Variants in PAK5 observed in about 807,000 individuals in gnomAD.
PAK5 encodes p21 (RAC1) activated kinase 5, also known as serine/threonine-protein kinase PAK 5.
PAK5 carries 16 observed loss-of-function variants against 65.9 expected under a neutral mutation model. The observed-to-expected ratio is 0.24, with a 90% CI of 0.16 to 0.37. The LOEUF is 0.37. Ranked by LOEUF, PAK5 falls within the 10% of genes least tolerant of loss-of-function variation. PAK5 has a pLI of 1.00. For missense variants in PAK5, 785 were observed against 903.9 expected (o/e 0.87, Z 1.69); for synonymous variants, 371 against 354.9 (o/e 1.05, Z -0.51).
At chr20:9,612,603 G>A (rs1325907218) in intron 3 of PAK5, among the ~76,000 whole-genome samples, 5 of 152,012 alleles carry the variant, frequency 3.3e-5, no homozygotes, top group Admixed American at 2.0e-4. Flanking sequence ...GTACCAAGAC[G>A]GTTGGTGCTA....
Position 9,825,309 on chromosome 20 carries a change from T to A in PAK5, c.-162+13453A>T, listed in dbSNP as rs965781073. ...ACTCTGGAATTTTCTATCTCACTTG[T>A]TTTTTATTATTTTTTAGTAAGGTAC... On this transcript the variant is annotated intron_variant, in intron 1 of 9. Coordinates refer to ENST00000353224, the MANE Select transcript of PAK5 (RefSeq NM_177990.4). 3.3e-5 allele frequency among the ~76,000 whole-genome samples: 5 copies of A among 152,156 alleles called. No individual in the cohort carries two copies. In the South Asian group the frequency reaches 8.3e-4, roughly 25 times the overall value.
intron 1 of PAK5, among the ~76,000 whole-genome samples, chr20:9,836,603 C>G (rs1003290145): frequency 6.6e-5 from 10 of 152,296 alleles, no homozygotes; most frequent in Middle Eastern, 6.8e-3. Context: ...CCTCCAGAAC[C>G]ATGAGAGAAT....
At chr20:9,567,424 C>T (rs952400109) in intron 4 of PAK5, among the ~76,000 whole-genome samples, 3 of 152,208 alleles carry the variant, frequency 2.0e-5, no homozygotes, top group Admixed American at 6.5e-5. Flanking sequence ...CTACAAGCTA[C>T]ACGTGCCTAT....
intron 3 of PAK5, among the ~76,000 whole-genome samples, chr20:9,630,987 G>A (rs1394200920): frequency 1.3e-5 from 2 of 152,194 alleles, no homozygotes; most frequent in African/African-American, 4.8e-5. Context: ...GAAAGGAATT[G>A]TGCCCCAACA....
chr20:9,728,197 A>G (rs2048297512), intron 1 of PAK5, among the ~76,000 whole-genome samples: 1 of 152,022 alleles, frequency 6.6e-6, no homozygotes, highest in South Asian at 2.1e-4. Flanking sequence ...CACCACATGA[A>G]GACACCGAGA....
chr20:9,809,366 T>A (rs1257672444), intron 1 of PAK5, among the ~76,000 whole-genome samples: 76 of 145,678 alleles, frequency 5.2e-4, no homozygotes, highest in Non-Finnish European at 1.0e-3. Context: ...AGGCTCATCA[T>A]GATAATGACT....
intron 1 of PAK5, among the ~76,000 whole-genome samples, chr20:9,802,956 T>C (rs910827129): frequency 2.4e-5 from 2 of 84,506 alleles, no homozygotes; most frequent in Non-Finnish European, 4.8e-5. Context: ...GCAAAAACAC[T>C]ATTTAGTACA....
chr20:9,658,025 G>T (rs1200025000), intron 2 of PAK5, among the ~76,000 whole-genome samples: 1 of 152,116 alleles, frequency 6.6e-6, no homozygotes, highest in Non-Finnish European at 1.5e-5. Flanking sequence ...AGGAAAACTA[G>T]ATAAAGTATT....
intron 4 of PAK5, among the ~76,000 whole-genome samples, chr20:9,573,255 T>C (rs957624695): frequency 6.6e-6 from 1 of 152,336 alleles, no homozygotes; most frequent in East Asian, 1.9e-4. Flanking sequence ...GAATATATTA[T>C]ATAAGGGAAT....
At chr20:9,729,634 T>C (rs547438151) in intron 1 of PAK5, among the ~76,000 whole-genome samples, 1 of 152,182 alleles carries the variant, frequency 6.6e-6, no homozygotes, top group Non-Finnish European at 1.5e-5. Flanking sequence ...TCCCTGCTTC[T>C]ACTGATTCTT....
In PAK5 at chr20:9,757,236, A is replaced by ATC. The variant is rs560909246; in HGVS notation, c.-161-45802_-161-45801insGA. Among the ~76,000 whole-genome samples, 230 of 61,476 alleles carry ATC rather than the reference A, an allele frequency of 3.7e-3. 1 individual carries two copies. Among genetic ancestry groups the ATC allele is most frequent in the Non-Finnish European group, 5.6e-3 (186 of 33,146 alleles). The allele number at this position is 61,476 out of a possible 152,430, so 40.3% of individuals were successfully genotyped here. A position where few individuals can be genotyped will look rare whatever the true frequency, so the allele number is the denominator to read the frequency against. ...CCAAATTAAGACAATATGAAAAAAAAACTATTACATATATTCCACATCTTT... is the reference window on the plus strand; with the variant it reads ...CCAAATTAAGACAATATGAAAAAAAATCACTATTACATATATTCCACATCTTT... On this transcript the variant is annotated intron_variant, in intron 1 of 9. Transcript: ENST00000353224.
intron 4 of PAK5, among the ~76,000 whole-genome samples, chr20:9,579,605 C>G (rs981914012): frequency 6.6e-6 from 1 of 152,144 alleles, no homozygotes; most frequent in Non-Finnish European, 1.5e-5. Flanking sequence ...ATATAAAAAC[C>G]AATATTTCAA....
intron 2 of PAK5, among the ~76,000 whole-genome samples, chr20:9,708,707 G>A (rs1243614103): frequency 6.6e-6 from 1 of 152,090 alleles, no homozygotes; most frequent in Non-Finnish European, 1.5e-5. Context: ...TGGTCTACAT[G>A]TATGGCACGT....
At chr20:9,816,841 C>G (rs1015376082) in intron 1 of PAK5, among the ~76,000 whole-genome samples, 1 of 152,112 alleles carries the variant, frequency 6.6e-6, no homozygotes, top group African/African-American at 2.4e-5. Flanking sequence ...CTACTGGTAT[C>G]AGTTCTATTT....
intron 2 of PAK5, among the ~76,000 whole-genome samples, chr20:9,646,915 C>T (rs988533229): frequency 3.3e-5 from 5 of 152,228 alleles, no homozygotes; most frequent in Admixed American, 2.6e-4. Context: ...CAGCTATCCA[C>T]ATGAGTGAGC....
intron 4 of PAK5, among the ~76,000 whole-genome samples, chr20:9,573,669 A>G (rs77853417): frequency 2.7e-4 from 41 of 152,218 alleles, no homozygotes; most frequent in African/African-American, 9.1e-4. Context: ...GAAGGAAAAA[A>G]CAGTACTGCA....
rs540141055 is a variant in PAK5, at chr20:9,789,742, T to A, written c.-162+49020A>T. ...GGGCAGACAAACTGTCTCCTGAATT[T>A]CTTGCTGACATTCTAGGAGAAGCTG... is the stretch of plus-strand genomic sequence containing the variant. On this transcript the variant is annotated intron_variant, in intron 1 of 9. Coordinates refer to ENST00000353224, the MANE Select transcript of PAK5 (RefSeq NM_177990.4). Among the ~76,000 whole-genome samples, 32 of 152,256 alleles carry A rather than the reference T, an allele frequency of 2.1e-4. 1 individual carries two copies. The highest frequency in any genetic ancestry group is 3.3e-4 in the Admixed American group (5 of 15,280).
chr20:9,692,595 ATTAGT>A (rs1273601765), intron 2 of PAK5, among the ~76,000 whole-genome samples: 1 of 152,208 alleles, frequency 6.6e-6, no homozygotes, highest in African/African-American at 2.4e-5. Flanking sequence ...CATTCATTTA[ATTAGT>A]TTAGAGGGGA....
intron 2 of PAK5, among the ~76,000 whole-genome samples, chr20:9,655,356 C>T (rs931314316): frequency 6.6e-6 from 1 of 151,800 alleles, no homozygotes; most frequent in African/African-American, 2.4e-5. Flanking sequence ...TGCACACATC[C>T]TGATTTTTTA....
Sources: allele counts gnomAD v4.1 joint callset (sites outside exome capture counted in the v4.1 genomes callset), GRCh38; gene constraint gnomAD v4.1.1; transcripts MANE v1.5; gene names NCBI Gene and HGNC (gene_info 2026-07-23, HGNC 2026-07-21).